Variants in NAP1L4 observed in about 807,000 individuals in gnomAD.
NAP1L4 encodes the protein nucleosome assembly protein 1-like 4.
A neutral mutation model predicts 58.2 loss-of-function variants in NAP1L4; 15 were observed. That is an observed-to-expected ratio of 0.26 (90% confidence interval 0.17 to 0.40). NAP1L4 has a LOEUF of 0.40. NAP1L4 is among the 10% of genes least tolerant of loss of function. NAP1L4 has a pLI of 1.00. For synonymous variants in NAP1L4, 171 were observed against 155.6 expected (o/e 1.10, Z -0.74); for missense variants, 384 against 451.1 (o/e 0.85, Z 1.35).
intron 1 of NAP1L4, among the ~76,000 whole-genome samples, chr11:2,987,444 G>A (rs1848698515): frequency 6.6e-6 from 1 of 151,302 alleles, no homozygotes; most frequent in Non-Finnish European, 1.5e-5. Context: ...ACCATGCCAG[G>A]CCCATGATAA....
chr11:2,982,344 C>CGTAA (rs1259768996), intron 1 of NAP1L4, among the ~76,000 whole-genome samples: 1 of 152,172 alleles, frequency 6.6e-6, no homozygotes, highest in Non-Finnish European at 1.5e-5. Flanking sequence ...CCTTCCTTAC[C>CGTAA]CCACACATAC....
chr11:2,984,007 A>C (rs897572180), intron 1 of NAP1L4, among the ~76,000 whole-genome samples: 1 of 151,428 alleles, frequency 6.6e-6, no homozygotes, highest in African/African-American at 2.4e-5. Flanking sequence ...AAAAAAAAAA[A>C]ATGAGGCTGG....
rs11024771 is a variant in NAP1L4, at chr11:2,965,859, C to G, written c.535-1108G>C. ...ACGGTTACTTCTTTAAGAACACTTA[C>G]ACAGAGCGTGTCTGAGATCCAACTT... On this transcript the variant is annotated intron_variant, in intron 7 of 15. Transcript: ENST00000380542. Among the ~76,000 whole-genome samples, 4 of 152,294 alleles carry G rather than the reference C, an allele frequency of 2.6e-5. No individual in the cohort carries two copies. In the South Asian group the frequency reaches 6.2e-4, roughly 24 times the overall value.
At position 2,955,876 on chromosome 11, in the gene NAP1L4, C is replaced by G. The variant is rs567354413; in HGVS notation, c.893-110G>C. On this transcript the variant is annotated intron_variant, in intron 10 of 15. Coordinates refer to ENST00000380542, the MANE Select transcript of NAP1L4 (RefSeq NM_005969.4). This position sits in a 1 kb window ranked among gnomAD's most constrained non-coding sequence, Gnocchi z 4.2. ...GTAGATAAAATGTAACATTTCTCAC[C>G]TCGAGGTTTAACAGAAATCCCCAAA... is the stretch of plus-strand genomic sequence containing the variant. 13 of 1,000,366 alleles carry G rather than the reference C, an allele frequency of 1.3e-5. No individual in the cohort carries two copies. In the South Asian group the frequency reaches 1.9e-4, roughly 15 times the overall value. The allele number at this position is 1,000,366 out of a possible 1,614,324, so 62.0% of individuals were successfully genotyped here.
chr11:2,976,083 C>T lies in NAP1L4; in HGVS notation c.114G>A (p.Leu38=), dbSNP rs1415057944. The T allele has an allele frequency of 1.9e-6, 3 of 1,613,810 alleles. No individual in the cohort carries two copies. The highest frequency in any genetic ancestry group is 2.5e-6 in the Non-Finnish European group (3 of 1,179,990). Reference sequence around the variant, plus strand: ...TGTCAAGTCGCTCCTGTAAAGCTGCCAGAACTCGAGGATTCTGCATCACCT... The same window carrying T: ...TGTCAAGTCGCTCCTGTAAAGCTGCTAGAACTCGAGGATTCTGCATCACCT... ...TDQVMQNPRV[L]AALQERLDNV... Residue 38 remains leucine, a synonymous_variant, in exon 4 of 16, where the codon CTG becomes CTA. Coordinates refer to ENST00000380542, the MANE Select transcript of NAP1L4 (RefSeq NM_005969.4).
chr11:2,980,463 GGT>G (rs1310167030), intron 1 of NAP1L4, among the ~76,000 whole-genome samples: 1 of 152,210 alleles, frequency 6.6e-6, no homozygotes, highest in Non-Finnish European at 1.5e-5. Flanking sequence ...TGGGATTACA[GGT>G]GTGAGTCAAC....
At chr11:2,986,968 C>G (rs1333030932) in intron 1 of NAP1L4, among the ~76,000 whole-genome samples, 1 of 152,006 alleles carries the variant, frequency 6.6e-6, no homozygotes, top group African/African-American at 2.4e-5. Flanking sequence ...CACATTCAGT[C>G]TGAGGAATGG....
At chr11:2,947,134 A>G (rs1349821412) in intron 15 of NAP1L4, among the ~76,000 whole-genome samples, 1 of 152,238 alleles carries the variant, frequency 6.6e-6, no homozygotes, top group Non-Finnish European at 1.5e-5. Context: ...TGAGCATCCC[A>G]AATCCCAAAT....
chr11:2,968,750 G>T (rs902002193), intron 7 of NAP1L4, among the ~76,000 whole-genome samples: 8 of 152,210 alleles, frequency 5.3e-5, no homozygotes, highest in Admixed American at 5.2e-4. Context: ...GCTGTCCTGA[G>T]CAAGTCTGAA....
In NAP1L4 at chr11:2,948,096, G is replaced by GTTC. The variant is rs1846034118; in HGVS notation, c.*32+1130_*32+1131insGAA. Among the ~76,000 whole-genome samples the GTTC allele has an allele frequency of 6.6e-6, 1 of 152,142 alleles. No individual in the cohort carries two copies. Among genetic ancestry groups the GTTC allele is most frequent in the Non-Finnish European group, 1.5e-5 (1 of 68,026 alleles). On this transcript the variant is annotated intron_variant, in intron 15 of 15. Coordinates refer to ENST00000380542, the MANE Select transcript of NAP1L4 (RefSeq NM_005969.4). This position sits in a 1 kb window ranked among gnomAD's most constrained non-coding sequence, Gnocchi z 5.1. ...GTGGGTGAGGGTACAGGTGGAATAA[G>GTTC]AGTGGCTAAGTTCTTCAGACATGCG...
intron 1 of NAP1L4, among the ~76,000 whole-genome samples, chr11:2,980,351 C>CTA (rs1848231469): frequency 6.6e-6 from 1 of 152,132 alleles, no homozygotes; most frequent in Non-Finnish European, 1.5e-5. Context: ...CCATGCCCAG[C>CTA]TAATTTTATT....
chr11:2,979,240 A>G lies in NAP1L4; in HGVS notation c.-17-3T>C, dbSNP rs753006083. 1.2e-6 allele frequency: 2 copies of G among 1,605,852 alleles called. No individual in the cohort carries two copies. Among genetic ancestry groups the G allele is most frequent in the Non-Finnish European group, 1.7e-6 (2 of 1,175,232 alleles). On this transcript the variant is annotated splice_region_variant and splice_polypyrimidine_tract_variant and intron_variant, in intron 1 of 15. Coordinates refer to ENST00000380542, the MANE Select transcript of NAP1L4 (RefSeq NM_005969.4). ...TGCCATCTGAATGTTTTTATCCCCT[A>G]TAAATTAAAAAGAGTTGTAATAATT...
At chr11:2,983,957 G>A (rs55693332) in intron 1 of NAP1L4, 15,735 of 150,646 alleles carry the variant, frequency 0.1, 973 homozygotes, top group African/African-American at 0.16. Context: ...CTGCACTCCC[G>A]CCTGGGAGAC....
chr11:2,971,516 C>T lies in NAP1L4; in HGVS notation c.334G>A (p.Gly112Ser), dbSNP rs1188415195. 1.2e-6 allele frequency: 2 copies of T among 1,613,536 alleles called. No homozygotes were observed. Among genetic ancestry groups the T allele is most frequent in the Admixed American group, 1.7e-5 (1 of 59,986 alleles). Residue 112 changes from glycine (G) to serine (S), a missense_variant, in exon 6 of 16, where the codon GGC becomes AGC. Transcript: ENST00000380542. This position sits in a 1 kb window ranked among gnomAD's most constrained non-coding sequence, Gnocchi z 4.2. ...LFDKRREFIT[G>S]DVEPTDAESE... ...TCCGCATCTGTTGGTTCAACATCGC[C>T]GGTGATAAATTCTCTTCTCTACATA... is the stretch of plus-strand genomic sequence containing the variant.
chr11:2,963,891 C>T (rs746192065), intron 8 of NAP1L4: 2 of 519,248 alleles, frequency 3.9e-6, no homozygotes, highest in South Asian at 2.8e-5. Context: ...ACGAACAGTG[C>T]TCCCTGGGAG....
intron 4 of NAP1L4, among the ~76,000 whole-genome samples, chr11:2,972,705 C>T (rs1847713999): frequency 1.3e-5 from 2 of 152,330 alleles, no homozygotes; most frequent in South Asian, 4.1e-4. Flanking sequence ...GGCGCAGTGG[C>T]TCATGCCTGT....
Position 2,978,281 on chromosome 11 carries a change from G to A in NAP1L4, c.73+3C>T. The A allele has an allele frequency of 6.2e-7, 1 of 1,613,886 alleles. No homozygotes were observed. The highest frequency in any genetic ancestry group is 8.5e-7 in the Non-Finnish European group (1 of 1,179,848). ...GCAAACTCTCCATGTGCAGTGGACTGACCTGTGTTACTTGCATTTTTAGCA... is the reference window on the plus strand; with the variant it reads ...GCAAACTCTCCATGTGCAGTGGACTAACCTGTGTTACTTGCATTTTTAGCA... On this transcript the variant is annotated splice_donor_region_variant and intron_variant, in intron 3 of 15. Transcript: ENST00000380542.
Position 2,954,208 on chromosome 11 carries a change from T to G in NAP1L4, c.1035+319A>C. ...TGTGGCCAGACCTCCATAAAAGAGA[T>G]ATTCCCTGTGTTCACAAGTTCCCTG... On this transcript the variant is annotated intron_variant, in intron 12 of 15. Transcript: ENST00000380542. The surrounding 1 kb of genome is among the most constrained non-coding windows in gnomAD (Gnocchi z 4.8). The G allele has an allele frequency of 2.5e-6, 1 of 401,412 alleles. No homozygotes were observed. The highest frequency in any genetic ancestry group is 4.6e-6 in the Non-Finnish European group (1 of 217,856). 24.9% of individuals were successfully genotyped at this position (401,412 alleles called of 1,614,324 possible). A position where few individuals can be genotyped will look rare whatever the true frequency, so the allele number is the denominator to read the frequency against.
chr11:2,965,017 C>T (rs1159575874), intron 7 of NAP1L4, among the ~76,000 whole-genome samples: 1 of 152,238 alleles, frequency 6.6e-6, no homozygotes, highest in Non-Finnish European at 1.5e-5. Flanking sequence ...CACTGACACC[C>T]GCCTGCCTGC....
Sources: gnomAD v4.1 joint callset for allele counts (sites outside exome capture counted in the v4.1 genomes callset) on GRCh38, gnomAD v4.1.1 for gene constraint, Gnocchi (gnomAD v3.1) non-coding constraint, MANE v1.5 for transcripts, NCBI Gene and HGNC (gene_info 2026-07-23, HGNC 2026-07-21) for gene names.